The following INSC variants were observed in gnomAD, a reference collection of about 807,000 sequenced individuals.
INSC encodes the protein INSC spindle orientation adaptor protein.
In INSC, 67 loss-of-function variants were observed where a neutral mutation model predicts 58.6. The observed-to-expected ratio is 1.14, with a 90% CI of 0.94 to 1.40. The LOEUF is 1.40. Ranked by LOEUF, INSC falls within the 40% of genes most tolerant of loss-of-function variation. INSC has a pLI of 0.00. For missense variants in INSC, 714 were observed against 692.0 expected (o/e 1.03, Z -0.36); for synonymous variants, 262 against 276.1 (o/e 0.95, Z 0.51).
chr11:15,146,863 T>G (rs185658215), intron 1 of INSC, among the ~76,000 whole-genome samples: 3 of 152,346 alleles, frequency 2.0e-5, no homozygotes, highest in South Asian at 2.1e-4. Context: ...TTTTTCTCTC[T>G]GGATCCCTCA....
chr11:15,260,767 G>C, the INSC span, among the ~76,000 whole-genome samples: 1 of 152,162 alleles, frequency 6.6e-6, no homozygotes, highest in Non-Finnish European at 1.5e-5. Flanking sequence ...TCTAGTCCTG[G>C]AGCCAGATGC....
At chr11:15,151,978 C>A (rs1449806245) in intron 2 of INSC, among the ~76,000 whole-genome samples, 1 of 152,132 alleles carries the variant, frequency 6.6e-6, no homozygotes, top group Non-Finnish European at 1.5e-5. Context: ...CTTTGCAAAC[C>A]CCCACAACAA....
chr11:15,126,837 C>A (rs1365352584), intron 1 of INSC, among the ~76,000 whole-genome samples: 2 of 152,216 alleles, frequency 1.3e-5, no homozygotes, highest in Non-Finnish European at 2.9e-5. Context: ...TTGACCCAGA[C>A]AAAAGCAGGG....
the INSC span, among the ~76,000 whole-genome samples, chr11:15,259,727 A>G: frequency 6.6e-6 from 1 of 152,196 alleles, no homozygotes; most frequent in Non-Finnish European, 1.5e-5. Context: ...CAAAGAGATT[A>G]GATGTTTTTC....
At chr11:15,191,131 C>G (rs1315120503) in intron 6 of INSC, among the ~76,000 whole-genome samples, 2 of 152,138 alleles carry the variant, frequency 1.3e-5, no homozygotes, top group Non-Finnish European at 2.9e-5. Context: ...CAGGCGCCTG[C>G]CACCACGTCC....
intron 7 of INSC, among the ~76,000 whole-genome samples, chr11:15,202,198 C>T (rs964077745): frequency 4.0e-5 from 6 of 151,880 alleles, no homozygotes; most frequent in African/African-American, 9.7e-5. Flanking sequence ...CGCTTCCCAC[C>T]GGGTTGGAAG....
intron 12 of INSC, among the ~76,000 whole-genome samples, chr11:15,243,977 G>T (rs1852462685): frequency 7.1e-6 from 1 of 141,266 alleles, no homozygotes; most frequent in African/African-American, 2.6e-5. Flanking sequence ...TTTCCTTCTT[G>T]TTCTTTTTTC....
intron 1 of INSC, among the ~76,000 whole-genome samples, chr11:15,130,677 A>T (rs1001589437): frequency 6.6e-6 from 1 of 152,170 alleles, no homozygotes; most frequent in East Asian, 1.9e-4. Flanking sequence ...ATATAAACTC[A>T]TGCTTCTCTG....
chr11:15,228,355 G>A (rs1470858143), intron 9 of INSC, among the ~76,000 whole-genome samples: 1 of 152,154 alleles, frequency 6.6e-6, no homozygotes, highest in Admixed American at 6.5e-5. Context: ...ATCAGGGTAG[G>A]GAGAGAATGT....
chr11:15,229,985 ATATATATAT>A (rs1851827722), intron 9 of INSC, among the ~76,000 whole-genome samples: 2 of 24,870 alleles, frequency 8.0e-5, no homozygotes, highest in Non-Finnish European at 1.3e-4. Flanking sequence ...TATATTATAT[ATATATATAT>A]ATATATATAT....
upstream of INSC, among the ~76,000 whole-genome samples, chr11:15,114,274 G>T (rs1847639308): frequency 6.6e-6 from 1 of 151,670 alleles, no homozygotes; most frequent in Admixed American, 6.6e-5. Flanking sequence ...GGTGGGGTCT[G>T]ATCTTATGTG....
chr11:15,241,869 T>C (rs528573605), intron 12 of INSC, among the ~76,000 whole-genome samples: 2 of 152,320 alleles, frequency 1.3e-5, no homozygotes, highest in South Asian at 4.1e-4. Context: ...AGTATTGTCA[T>C]CTTGACTCAT....
At chr11:15,217,204 C>G (rs999841828) in intron 7 of INSC, among the ~76,000 whole-genome samples, 1 of 152,132 alleles carries the variant, frequency 6.6e-6, no homozygotes, top group African/African-American at 2.4e-5. Context: ...CATCCTTGTT[C>G]ACATGGCAGC....
chr11:15,129,759 A>T (rs541044076), intron 1 of INSC, among the ~76,000 whole-genome samples: 4 of 152,282 alleles, frequency 2.6e-5, no homozygotes, highest in African/African-American at 7.2e-5. Context: ...AATTAAAATA[A>T]TTTTTTTGTA....
At chr11:15,217,309 C>T (rs1259008610) in intron 7 of INSC, among the ~76,000 whole-genome samples, 1 of 152,182 alleles carries the variant, frequency 6.6e-6, no homozygotes, top group Non-Finnish European at 1.5e-5. Flanking sequence ...AACAGCATGA[C>T]TCAATTACCT....
chr11:15,221,877 C>T (rs1322828534), intron 8 of INSC, among the ~76,000 whole-genome samples: 1 of 152,128 alleles, frequency 6.6e-6, no homozygotes, highest in Non-Finnish European at 1.5e-5. Flanking sequence ...TGAGAAGCAA[C>T]CTGAATTATT....
At chr11:15,233,800 TG>T (rs1852017578) in intron 9 of INSC, among the ~76,000 whole-genome samples, 1 of 152,098 alleles carries the variant, frequency 6.6e-6, no homozygotes, top group South Asian at 2.1e-4. Context: ...AAGGCCAGCC[TG>T]GTGATGGTGG....
intron 1 of INSC, among the ~76,000 whole-genome samples, chr11:15,143,529 C>T (rs1429022499): frequency 6.6e-6 from 1 of 152,116 alleles, no homozygotes; most frequent in East Asian, 1.9e-4. Flanking sequence ...CCATGTGAGG[C>T]AAGTAGGCCA....
intron 9 of INSC, among the ~76,000 whole-genome samples, chr11:15,226,984 C>T (rs369309737): frequency 3.0e-4 from 45 of 152,238 alleles, no homozygotes; most frequent in African/African-American, 1.0e-3. Flanking sequence ...GGCAGCTGAC[C>T]GTAGAAGCTC....
Sources: allele counts gnomAD v4.1 joint callset (sites outside exome capture counted in the v4.1 genomes callset), GRCh38; gene constraint gnomAD v4.1.1; transcripts MANE v1.5; gene names NCBI Gene and HGNC (gene_info 2026-07-23, HGNC 2026-07-21).